Variants in ENOX1 observed in about 807,000 individuals in gnomAD.
ENOX1 encodes the protein ecto-NOX disulfide-thiol exchanger 1.
Under a neutral mutation model 82.5 loss-of-function variants are expected in ENOX1, and 42 were observed. That is an observed-to-expected ratio of 0.51 (90% CI 0.40 to 0.66). The LOEUF (loss-of-function observed/expected upper bound fraction) is 0.66. Among genes scored for constraint, ENOX1 ranks in the 30% least tolerant of loss-of-function variants. The pLI is 0.00. For missense variants in ENOX1, 608 were observed against 811.6 expected (o/e 0.75, Z 3.05); for synonymous variants, 271 against 282.2 (o/e 0.96, Z 0.40).
intron 2 of ENOX1, among the ~76,000 whole-genome samples, chr13:43,657,771 T>C (rs760960916): frequency 7.2e-5 from 11 of 152,212 alleles, no homozygotes; most frequent in Non-Finnish European, 1.3e-4. Context: ...AATATCGTCT[T>C]TTACTGGCAT....
chr13:43,339,062 T>C (rs962906703), intron 9 of ENOX1, among the ~76,000 whole-genome samples: 17 of 152,182 alleles, frequency 1.1e-4, no homozygotes, highest in Admixed American at 2.0e-4. Context: ...TGATATTTAA[T>C]AGCTGGTCCT....
chr13:43,233,442 A>T (rs555488474), intron 15 of ENOX1, among the ~76,000 whole-genome samples: 2 of 152,272 alleles, frequency 1.3e-5, no homozygotes, highest in East Asian at 3.9e-4. Context: ...TCTCTAATAA[A>T]TATCAACTTT....
At chr13:43,514,028 CAAT>C (rs961029824) in intron 2 of ENOX1, among the ~76,000 whole-genome samples, 1 of 152,052 alleles carries the variant, frequency 6.6e-6, no homozygotes. Context: ...TTATTTCTGT[CAAT>C]AGGCAGTTAC....
intron 1 of ENOX1, among the ~76,000 whole-genome samples, chr13:43,748,206 T>C (rs1950129438): frequency 6.6e-6 from 1 of 152,186 alleles, no homozygotes; most frequent in South Asian, 2.1e-4. Context: ...ATTTCATTCA[T>C]TTACATATTT....
rs941062311 is a variant in ENOX1, at chr13:43,484,080, A to T, written c.-146T>A. 5.1e-6 allele frequency: 5 copies of T among 985,432 alleles called. No homozygotes were observed. In the African/African-American group the frequency reaches 8.7e-5, roughly 17 times the overall value. 61.0% of individuals were successfully genotyped at this position (985,432 alleles called of 1,614,324 possible). ...TTGATTGAAACCATGTATTCATAAA[A>T]GTCTTTTAAATGGATGCTCTTCACA... On this transcript the variant is annotated 5_prime_UTR_variant, in exon 3 of 17. Coordinates refer to ENST00000690772, the MANE Select transcript of ENOX1 (RefSeq NM_001347969.2).
At chr13:43,695,857 C>G (rs115227853) in intron 1 of ENOX1, among the ~76,000 whole-genome samples, 3,254 of 152,194 alleles carry the variant, frequency 0.021, 114 homozygotes, top group African/African-American at 0.072. Flanking sequence ...TTAATATATT[C>G]ACAGAGTTCG....
intron 2 of ENOX1, among the ~76,000 whole-genome samples, chr13:43,503,680 C>A (rs967540779): frequency 6.6e-6 from 1 of 151,622 alleles, no homozygotes; most frequent in African/African-American, 2.4e-5. Context: ...TTTACCCTTA[C>A]TGTTACACTG....
At chr13:43,717,227 A>T (rs2088208490) in intron 1 of ENOX1, among the ~76,000 whole-genome samples, 1 of 152,186 alleles carries the variant, frequency 6.6e-6, no homozygotes, top group Non-Finnish European at 1.5e-5. Context: ...CAGAACCCAG[A>T]AATAAACCTG....
At chr13:43,699,492 A>G (rs2086805391) in intron 1 of ENOX1, among the ~76,000 whole-genome samples, 1 of 152,210 alleles carries the variant, frequency 6.6e-6, no homozygotes, top group Admixed American at 6.5e-5. Flanking sequence ...TGAGCTGAAA[A>G]CCAGTTTCGA....
rs535775285 is a variant in ENOX1, at chr13:43,517,710, A to G, written c.-218-33558T>C. Reference sequence around the variant, plus strand: ...TGGTCTGAATGTGTGTGTCTCCCCAAAATTCATATGTTGAAATCCTAACCT... The same window carrying G: ...TGGTCTGAATGTGTGTGTCTCCCCAGAATTCATATGTTGAAATCCTAACCT... On this transcript the variant is annotated intron_variant, in intron 2 of 16. Transcript: ENST00000690772. 5.9e-4 allele frequency among the ~76,000 whole-genome samples: 90 copies of G among 152,192 alleles called. 1 individual carries two copies. In the South Asian group the frequency reaches 0.019, roughly 32 times the overall value.
At chr13:43,561,634 A>G (rs2079673089) in intron 2 of ENOX1, among the ~76,000 whole-genome samples, 1 of 152,148 alleles carries the variant, frequency 6.6e-6, no homozygotes, top group Non-Finnish European at 1.5e-5. Flanking sequence ...GGCTTTACAA[A>G]AATCAAGTAA....
intron 2 of ENOX1, among the ~76,000 whole-genome samples, chr13:43,615,069 G>A (rs2082349894): frequency 6.6e-6 from 1 of 151,864 alleles, no homozygotes; most frequent in South Asian, 2.1e-4. Flanking sequence ...TTATGTACAG[G>A]GCTATTTACA....
rs552243263 is a variant in ENOX1 at position 43,361,345 on chromosome 13, T to C, written c.316A>G (p.Thr106Ala). 1.1e-5 allele frequency: 18 copies of C among 1,613,992 alleles called. No individual in the cohort carries two copies. The South Asian group carries it at 1.5e-4, about 14-fold the overall frequency. The change falls in exon 6 of 17, where the codon ACA (threonine) becomes GCA (alanine). Residue 106 changes from threonine (T) to alanine (A), a missense_variant. By Grantham distance (58) the Thr-to-Ala change is moderately conservative. Transcript: ENST00000690772. The part of the protein sequence containing the change: ...GLGLVPPPPP[T>A]EVAVVKEIIH... ...ATTTCTTTGACAACAGCCACTTCTG[T>C]TGGTGGTGGGGGAGGTACCAGTCCA...
In ENOX1 at chr13:43,359,954, A is replaced by C. The variant is rs2050393197; in HGVS notation, c.486T>G (p.Phe162Leu). Residue 162 changes from phenylalanine to leucine, a missense_variant, in exon 7 of 17, where the codon TTT (phenylalanine) becomes TTG (leucine). By Grantham distance (22) the Phe-to-Leu change is conservative. Transcript: ENST00000690772. ...NATEEIIQEV[F>L]EQCGDITAIR... ...TTGCTGTAATATCACCGCACTGTTCAAAGACTTCTTGAATAATTTCCTCAG... is the reference window on the plus strand; with the variant it reads ...TTGCTGTAATATCACCGCACTGTTCCAAGACTTCTTGAATAATTTCCTCAG... 6.2e-7 allele frequency: 1 copy of C among 1,614,130 alleles called. No homozygotes were observed. The highest frequency in any genetic ancestry group is 8.5e-7 in the Non-Finnish European group (1 of 1,180,038).
At chr13:43,345,951 G>A (rs1321393322) in intron 8 of ENOX1, among the ~76,000 whole-genome samples, 1 of 152,092 alleles carries the variant, frequency 6.6e-6, no homozygotes, top group East Asian at 1.9e-4. Flanking sequence ...TCCTTATGTT[G>A]TTTGCATATA....
chr13:43,321,548 G>A (rs1208221362), intron 11 of ENOX1, among the ~76,000 whole-genome samples: 1 of 152,150 alleles, frequency 6.6e-6, no homozygotes, highest in Non-Finnish European at 1.5e-5. Flanking sequence ...AAAGATCCTC[G>A]ATTCCTGGTC....
chr13:43,701,584 TTA>T (rs1488583058), intron 1 of ENOX1, among the ~76,000 whole-genome samples: 11 of 152,198 alleles, frequency 7.2e-5, no homozygotes, highest in Admixed American at 1.3e-4. Flanking sequence ...TGTCATGTTT[TTA>T]TATGTTTCAT....
chr13:43,256,944 A>G (rs2043784863), intron 14 of ENOX1, among the ~76,000 whole-genome samples: 1 of 152,204 alleles, frequency 6.6e-6, no homozygotes, highest in Non-Finnish European at 1.5e-5. Flanking sequence ...ACTGTGATAT[A>G]TATATATACA....
Position 43,232,214 on chromosome 13 carries a change from G to A in ENOX1, c.1714+4422C>T, listed in dbSNP as rs147298016. Among the ~76,000 whole-genome samples, 1,196 of 151,708 alleles carry A rather than the reference G, an allele frequency of 7.9e-3. 15 individuals carry two copies. Among genetic ancestry groups the A allele is most frequent in the East Asian group, 0.058 (295 of 5,118 alleles). On this transcript the variant is annotated intron_variant, in intron 15 of 16. Transcript: ENST00000690772. The stretch of plus-strand genomic sequence containing the variant: ...CTCCCAAGGTGCTAGGATTATAGGC[G>A]TGAGCCACCACACCTGTGTGTGGGG...
Sources: allele counts gnomAD v4.1 joint callset (sites outside exome capture counted in the v4.1 genomes callset), GRCh38; gene constraint gnomAD v4.1.1; transcripts MANE v1.5; gene names NCBI Gene and HGNC (gene_info 2026-07-23, HGNC 2026-07-21).